The following ALK variants were observed in gnomAD, a reference collection of about 807,000 sequenced individuals.
ALK encodes the protein ALK tyrosine kinase receptor.
Under a neutral mutation model 163.1 loss-of-function variants are expected in ALK, and 74 were observed. The ratio of observed to expected loss-of-function variants is 0.45; its 90% CI spans 0.38 to 0.55. The LOEUF is 0.55. Ranked by LOEUF, ALK falls within the 20% of genes least tolerant of loss-of-function variation. The pLI is 0.00. For synonymous variants in ALK, 960 were observed against 843.2 expected, an observed-to-expected ratio of 1.14 and a Z score of -2.40; for missense variants, 2,063 against 2,105.3, an observed-to-expected ratio of 0.98 and a Z score of 0.39.
intron 1 of ALK, among the ~76,000 whole-genome samples, chr2:29,797,883 C>A (rs1210754954): frequency 1.3e-5 from 2 of 151,614 alleles, no homozygotes; most frequent in Non-Finnish European, 2.9e-5. Context: ...GAATTTGGGT[C>A]AAGAAAGCTT....
intron 1 of ALK, among the ~76,000 whole-genome samples, chr2:29,770,771 A>T (rs956425484): frequency 6.6e-6 from 1 of 152,192 alleles, no homozygotes; most frequent in African/African-American, 2.4e-5. Context: ...AGGAAATATA[A>T]GAAAAGCAAA....
chr2:29,382,444 C>T (rs1440279431), intron 5 of ALK, among the ~76,000 whole-genome samples: 1 of 152,104 alleles, frequency 6.6e-6, no homozygotes, highest in African/African-American at 2.4e-5. Context: ...TTTTTCAGGT[C>T]AAGAAATTTT....
chr2:29,308,644 G>A (rs555441579), intron 8 of ALK, among the ~76,000 whole-genome samples: 8 of 152,310 alleles, frequency 5.3e-5, no homozygotes, highest in Admixed American at 1.3e-4. Flanking sequence ...TATTTTTTAC[G>A]TATCACGTAA....
At chr2:29,565,796 G>A (rs1390637184) in intron 3 of ALK, among the ~76,000 whole-genome samples, 2 of 152,106 alleles carry the variant, frequency 1.3e-5, no homozygotes, top group African/African-American at 4.8e-5. Context: ...CATAAACTCT[G>A]CTTCACTCCT....
chr2:29,438,672 C>A (rs1338224844), intron 4 of ALK, among the ~76,000 whole-genome samples: 1 of 152,154 alleles, frequency 6.6e-6, no homozygotes, highest in Non-Finnish European at 1.5e-5. Flanking sequence ...CTTCAGAGGG[C>A]TGCCTTCAGG....
At chr2:29,294,697 C>T (rs1666129531) in intron 9 of ALK, among the ~76,000 whole-genome samples, 1 of 152,202 alleles carries the variant, frequency 6.6e-6, no homozygotes, top group Non-Finnish European at 1.5e-5. Context: ...CATTTAGTCT[C>T]ATAACAATCT....
At chr2:29,424,795 C>T (rs1178436079) in intron 4 of ALK, among the ~76,000 whole-genome samples, 1 of 152,168 alleles carries the variant, frequency 6.6e-6, no homozygotes, top group Non-Finnish European at 1.5e-5. Flanking sequence ...TTGGAACCAA[C>T]ATTTACTAAT....
intron 4 of ALK, among the ~76,000 whole-genome samples, chr2:29,390,917 A>G (rs1669152553): frequency 6.6e-6 from 1 of 152,174 alleles, no homozygotes; most frequent in Non-Finnish European, 1.5e-5. Flanking sequence ...ATACTTTCCC[A>G]CAAGTTAGAT....
At position 29,246,011 on chromosome 2, in the gene ALK, G is replaced by C. The variant is rs1326005439; in HGVS notation, c.2204+5094C>G. Among the ~76,000 whole-genome samples, 1 of 152,254 alleles carries C rather than the reference G, an allele frequency of 6.6e-6. No homozygotes were observed. Among genetic ancestry groups the C allele is most frequent in the East Asian group, 1.9e-4 (1 of 5,206 alleles). On this transcript the variant is annotated intron_variant, in intron 12 of 28. Transcript: ENST00000389048. The surrounding 1 kb of genome is among the most constrained non-coding windows in gnomAD (Gnocchi z 4.3). ...TGTGGCCCAAGGTCAGTTGGCTCCA[G>C]CTGGGACCTGGGGCCTCTTGTCCAT...
intron 5 of ALK, among the ~76,000 whole-genome samples, chr2:29,364,651 G>GT (rs1668461341): frequency 2.0e-5 from 3 of 152,226 alleles, no homozygotes; most frequent in Admixed American, 2.0e-4. Context: ...CCAGACAGTG[G>GT]TCAGGAGGCT....
At chr2:29,350,800 G>C (rs566569240) in intron 5 of ALK, among the ~76,000 whole-genome samples, 3 of 152,320 alleles carry the variant, frequency 2.0e-5, no homozygotes, top group Admixed American at 2.0e-4. Context: ...GGCCCAGAGA[G>C]GTTAAGCAAC....
intron 4 of ALK, among the ~76,000 whole-genome samples, chr2:29,514,113 C>G (rs1453757713): frequency 3.2e-5 from 4 of 126,074 alleles, no homozygotes; most frequent in Non-Finnish European, 5.0e-5. Context: ...GGATCTAGAA[C>G]TAGAAATACC....
At chr2:29,802,517 G>A (rs1394459146) in intron 1 of ALK, among the ~76,000 whole-genome samples, 2 of 5,684 alleles carry the variant, frequency 3.5e-4, no homozygotes, top group African/African-American at 1.1e-3. Context: ...AGGAGGGGAG[G>A]GGAGGGGAGA....
At chr2:29,568,699 G>A (rs994818691) in intron 3 of ALK, among the ~76,000 whole-genome samples, 10 of 152,032 alleles carry the variant, frequency 6.6e-5, no homozygotes, top group Non-Finnish European at 5.9e-5. Flanking sequence ...GTGTGGGTTC[G>A]GTTAGCAGAG....
intron 1 of ALK, among the ~76,000 whole-genome samples, chr2:29,789,769 G>A (rs1280232971): frequency 6.6e-6 from 1 of 152,160 alleles, no homozygotes; most frequent in East Asian, 1.9e-4. Context: ...GATGTGGGGA[G>A]GTCCCAGAGA....
At chr2:29,241,382 A>G (rs1381426509) in intron 12 of ALK, among the ~76,000 whole-genome samples, 1 of 151,990 alleles carries the variant, frequency 6.6e-6, no homozygotes, top group East Asian at 1.9e-4. Context: ...TTCATTCCAA[A>G]CAACATGATA....
chr2:29,462,776 G>C (rs1671117597), intron 4 of ALK, among the ~76,000 whole-genome samples: 1 of 152,072 alleles, frequency 6.6e-6, no homozygotes, highest in African/African-American at 2.4e-5. Context: ...TAAAGCAATG[G>C]CTCCTTTTTG....
At chr2:29,593,194 C>T (rs1675111610) in intron 3 of ALK, among the ~76,000 whole-genome samples, 1 of 152,104 alleles carries the variant, frequency 6.6e-6, no homozygotes, top group Non-Finnish European at 1.5e-5. Flanking sequence ...TGGATGAAGC[C>T]AACGTAACAT....
intron 8 of ALK, among the ~76,000 whole-genome samples, chr2:29,303,572 C>T (rs1666427036): frequency 6.6e-6 from 1 of 152,212 alleles, no homozygotes; most frequent in South Asian, 2.1e-4. Flanking sequence ...ACCATAAAGA[C>T]ACCTGCAGTC....
Sources: gnomAD v4.1 joint callset for allele counts (sites outside exome capture counted in the v4.1 genomes callset) on GRCh38, gnomAD v4.1.1 for gene constraint, Gnocchi (gnomAD v3.1) non-coding constraint, MANE v1.5 for transcripts, NCBI Gene and HGNC (gene_info 2026-07-23, HGNC 2026-07-21) for gene names.